SAMD13: variants seen among roughly 807,000 people sequenced by gnomAD.
SAMD13 encodes the protein sterile alpha motif domain-containing protein 13.
In SAMD13, 9 loss-of-function variants were observed where a neutral mutation model predicts 12.4. That is an observed-to-expected ratio of 0.72 (90% confidence interval 0.44 to 1.26). The LOEUF is 1.26. Among genes scored for constraint, SAMD13 ranks in the 50% most tolerant of loss-of-function variants. The probability of loss-of-function intolerance (pLI) is 0.00; values close to 1 mark genes in which losing one functional copy is unlikely to be tolerated. For missense variants in SAMD13, 84 were observed against 119.6 expected (o/e 0.70, Z 1.39); for synonymous variants, 46 against 45.4 (o/e 1.01, Z -0.05).
intron 2 of SAMD13, among the ~76,000 whole-genome samples, chr1:84,308,100 C>T (rs1678622834): frequency 6.6e-6 from 1 of 152,228 alleles, no homozygotes; most frequent in Non-Finnish European, 1.5e-5. Flanking sequence ...GCTTACCCAT[C>T]TCTCAAGGAT....
At chr1:84,306,856 A>ATAT (rs1553199897) in intron 2 of SAMD13, among the ~76,000 whole-genome samples, 1 of 141,786 alleles carries the variant, frequency 7.1e-6, no homozygotes, top group Non-Finnish European at 1.6e-5. Flanking sequence ...AATAATAATA[A>ATAT]AATAAAATAA....
chr1:84,325,783 T>G, intron 3 of SAMD13, 35 bp downstream of exon 3: 2 of 1,300,470 alleles, frequency 1.5e-6, no homozygotes, highest in Non-Finnish European at 2.2e-6. Context: ...GATGAACATG[T>G]GATGAACCCA....
intron 2 of SAMD13, among the ~76,000 whole-genome samples, chr1:84,314,671 T>C (rs1172180855): frequency 6.6e-6 from 1 of 151,900 alleles, no homozygotes; most frequent in Non-Finnish European, 1.5e-5. Flanking sequence ...AAAACAGCAA[T>C]GTGGAAAGGG....
chr1:84,302,656 A>T (rs1191229370), intron 1 of SAMD13: 1 of 986,824 alleles, frequency 1.0e-6, no homozygotes, highest in East Asian at 1.1e-4. Flanking sequence ...GCCATCTCAC[A>T]GACGGGTTTT....
intron 3 of SAMD13, among the ~76,000 whole-genome samples, chr1:84,327,090 T>C (rs1319763287): frequency 1.3e-5 from 2 of 152,176 alleles, no homozygotes; most frequent in East Asian, 3.9e-4. Context: ...CTCCTGGGTA[T>C]TTACCCAAGG....
chr1:84,318,765 T>A (rs1407408716), intron 2 of SAMD13, among the ~76,000 whole-genome samples: 1 of 152,220 alleles, frequency 6.6e-6, no homozygotes, highest in Non-Finnish European at 1.5e-5. Flanking sequence ...TGATATGTTA[T>A]AGTTATCTGT....
At chr1:84,321,050 A>C (rs1046857786) in intron 2 of SAMD13, among the ~76,000 whole-genome samples, 8 of 152,280 alleles carry the variant, frequency 5.3e-5, no homozygotes, top group African/African-American at 1.9e-4. Flanking sequence ...AGAACTTAAA[A>C]TTATGATGTG....
At chr1:84,316,816 A>G (rs903803715) in intron 2 of SAMD13, among the ~76,000 whole-genome samples, 21 of 152,100 alleles carry the variant, frequency 1.4e-4, no homozygotes, top group African/African-American at 4.8e-4. Flanking sequence ...TATGGAAATT[A>G]TAACAATATT....
chr1:84,330,742 A>T (rs990176018), intron 3 of SAMD13, among the ~76,000 whole-genome samples: 1 of 152,160 alleles, frequency 6.6e-6, no homozygotes, highest in Non-Finnish European at 1.5e-5. Context: ...TGTTTGACTC[A>T]CATACTTAGA....
At chr1:84,327,835 G>C (rs1679090886) in intron 3 of SAMD13, among the ~76,000 whole-genome samples, 1 of 152,150 alleles carries the variant, frequency 6.6e-6, no homozygotes, top group African/African-American at 2.4e-5. Context: ...ATAAAACTCT[G>C]ATGAGTTTTC....
At chr1:84,344,024 T>C (rs1015658574) in intron 3 of SAMD13, among the ~76,000 whole-genome samples, 1 of 152,104 alleles carries the variant, frequency 6.6e-6, no homozygotes, top group Non-Finnish European at 1.5e-5. Flanking sequence ...ATGGGCCTTA[T>C]GTATTTTCCT....
At chr1:84,319,720 T>C (rs1475068623) in intron 2 of SAMD13, among the ~76,000 whole-genome samples, 1 of 152,058 alleles carries the variant, frequency 6.6e-6, no homozygotes, top group Non-Finnish European at 1.5e-5. Flanking sequence ...AAGGAGGCTG[T>C]TTGTAAGATC....
chr1:84,344,632 C>A, intron 3 of SAMD13: 1 of 301,372 alleles, frequency 3.3e-6, no homozygotes, highest in Non-Finnish European at 6.5e-6. Flanking sequence ...GGAAATTCTT[C>A]CAAAAATAAA....
chr1:84,304,711 A>G (rs1037203625), intron 2 of SAMD13, among the ~76,000 whole-genome samples: 1 of 151,952 alleles, frequency 6.6e-6, no homozygotes, highest in African/African-American at 2.4e-5. Flanking sequence ...TGCTGTCATT[A>G]TAAATTAGTT....
upstream of SAMD13, among the ~76,000 whole-genome samples, chr1:84,300,232 C>T (rs1353246219): frequency 6.6e-6 from 1 of 152,202 alleles, no homozygotes; most frequent in Non-Finnish European, 1.5e-5. Context: ...GATCCACATG[C>T]CTGACCCATG....
intron 2 of SAMD13, among the ~76,000 whole-genome samples, chr1:84,319,624 GAAA>G (rs57599932): frequency 0.055 from 4,311 of 77,780 alleles, 232 homozygotes; most frequent in African/African-American, 0.15. Flanking sequence ...GACAGGAAAA[GAAA>G]AAAAAAAAAA....
At chr1:84,319,930 T>TC (rs1277543415) in intron 2 of SAMD13, among the ~76,000 whole-genome samples, 1 of 152,174 alleles carries the variant, frequency 6.6e-6, no homozygotes, top group Non-Finnish European at 1.5e-5. Flanking sequence ...CCAAAGCCTT[T>TC]CATCCACACA....
In SAMD13 at chr1:84,313,142, C is replaced by A. The variant is rs896856237; in HGVS notation, c.53+9855C>A. Among the ~76,000 whole-genome samples the A allele has an allele frequency of 6.4e-4, 97 of 151,922 alleles. 1 individual carries two copies. The highest frequency in any genetic ancestry group is 1.8e-3 in the African/African-American group (76 of 41,344). On this transcript the variant is annotated intron_variant, in intron 2 of 3. Coordinates refer to ENST00000394834, the MANE Select transcript of SAMD13 (RefSeq NM_001134663.2). ...TTTTTGTGCACATACTCTATGTATC[C>A]ACATGTATACATAACACAAGAATAT...
At chr1:84,349,397 G>A (rs1288398926) in intron 3 of SAMD13, among the ~76,000 whole-genome samples, 1 of 152,186 alleles carries the variant, frequency 6.6e-6, no homozygotes, top group Non-Finnish European at 1.5e-5. Flanking sequence ...TGATGTTTGT[G>A]ATAGGATCTT....
Sources: gnomAD v4.1 joint callset for allele counts (sites outside exome capture counted in the v4.1 genomes callset) on GRCh38, gnomAD v4.1.1 for gene constraint, MANE v1.5 for transcripts, NCBI Gene and HGNC (gene_info 2026-07-23, HGNC 2026-07-21) for gene names.